The following CSMD1 variants were observed in gnomAD, a reference collection of about 807,000 sequenced individuals.
CSMD1 encodes the protein CUB and Sushi multiple domains 1.
A neutral mutation model predicts 417.5 loss-of-function variants in CSMD1; 213 were observed. The observed-to-expected ratio is 0.51, with a 90% CI of 0.46 to 0.57. CSMD1 has a LOEUF of 0.57. Ranked by LOEUF, CSMD1 falls within the 20% of genes least tolerant of loss-of-function variation. The probability of loss-of-function intolerance (pLI) is 0.00; values close to 1 mark genes in which losing one functional copy is unlikely to be tolerated. For missense variants in CSMD1, 6,923 were observed against 4,529.7 expected, an observed-to-expected ratio of 1.53 and a Z score of -15.17; for synonymous variants, 2,862 against 1,736.8, an observed-to-expected ratio of 1.65 and a Z score of -16.11.
chr8:3,772,371 A>T lies in CSMD1; in HGVS notation c.819-18329T>A, dbSNP rs867157862. Among the ~76,000 whole-genome samples the T allele has an allele frequency of 3.5e-4, 49 of 138,818 alleles. 12 individuals carry two copies. The highest frequency in any genetic ancestry group is 1.2e-3 in the African/African-American group (42 of 35,654). 91.1% of individuals were successfully genotyped at this position (138,818 alleles called of 152,430 possible). On this transcript the variant is annotated intron_variant, in intron 5 of 69. Coordinates refer to ENST00000635120, the MANE Select transcript of CSMD1 (RefSeq NM_033225.6). ...TACATATATTTATATATACATATAT[A>T]CATATATTCATATATTTATATATAC...
chr8:4,112,475 T>A (rs1464101899), intron 3 of CSMD1, among the ~76,000 whole-genome samples: 8 of 152,118 alleles, frequency 5.3e-5, no homozygotes, highest in Admixed American at 3.9e-4. Context: ...TCTTCCACCC[T>A]CCTGCCAATG....
chr8:2,969,864 T>C (rs1261627880), intron 57 of CSMD1, among the ~76,000 whole-genome samples: 2 of 152,190 alleles, frequency 1.3e-5, no homozygotes, highest in African/African-American at 2.4e-5. Context: ...TGTTGCCTTA[T>C]TGGGTGTAAC....
At chr8:3,914,920 T>C (rs75977884) in intron 5 of CSMD1, among the ~76,000 whole-genome samples, 6,421 of 152,218 alleles carry the variant, frequency 0.042, 187 homozygotes, top group Non-Finnish European at 0.064. Context: ...TAATTACTGA[T>C]TGAACTAAAC....
At chr8:4,408,509 T>G (rs1379639127) in intron 3 of CSMD1, among the ~76,000 whole-genome samples, 2 of 152,234 alleles carry the variant, frequency 1.3e-5, no homozygotes, top group East Asian at 1.9e-4. Flanking sequence ...TATCTCAAGC[T>G]TCTAAACAAT....
chr8:4,879,021 T>A (rs747909977), intron 1 of CSMD1, among the ~76,000 whole-genome samples: 1 of 151,722 alleles, frequency 6.6e-6, no homozygotes, highest in Non-Finnish European at 1.5e-5. Flanking sequence ...GACAGGATAT[T>A]TGGGGTTTGA....
intron 5 of CSMD1, among the ~76,000 whole-genome samples, chr8:3,812,228 T>C (rs986573717): frequency 5.3e-5 from 8 of 152,138 alleles, no homozygotes; most frequent in South Asian, 2.1e-4. Context: ...ACTCAAAAGA[T>C]ACAGGAAAGG....
At chr8:3,636,902 T>A (rs1462224330) in intron 7 of CSMD1, among the ~76,000 whole-genome samples, 1 of 152,182 alleles carries the variant, frequency 6.6e-6, no homozygotes, top group Non-Finnish European at 1.5e-5. Context: ...GGTAACTAGG[T>A]CATGAGTTCT....
intron 49 of CSMD1, among the ~76,000 whole-genome samples, chr8:3,065,579 T>C (rs1041454856): frequency 1.3e-5 from 2 of 151,874 alleles, no homozygotes; most frequent in Admixed American, 6.6e-5. Flanking sequence ...GATAGATACA[T>C]AGATACACAG....
intron 7 of CSMD1, among the ~76,000 whole-genome samples, chr8:3,622,141 T>C (rs191374933): frequency 6.6e-6 from 1 of 152,318 alleles, no homozygotes; most frequent in African/African-American, 2.4e-5. Flanking sequence ...GGTCTACTAC[T>C]AGCTCTCTGA....
chr8:4,807,327 G>C (rs977675048), intron 1 of CSMD1, among the ~76,000 whole-genome samples: 1 of 152,164 alleles, frequency 6.6e-6, no homozygotes, highest in South Asian at 2.1e-4. Context: ...CAAGGGTAGG[G>C]TGACAGCACT....
Position 4,561,332 on chromosome 8 carries a change from C to T in CSMD1, c.302+76010G>A, listed in dbSNP as rs199785722. On this transcript the variant is annotated intron_variant, in intron 2 of 69. Coordinates refer to ENST00000635120, the MANE Select transcript of CSMD1 (RefSeq NM_033225.6). ...GAGGTTGCAGTGAATCGAGATCATG[C>T]CACTGCACTCCAGCCCGGTGACAGA... is the stretch of plus-strand genomic sequence containing the variant. Among the ~76,000 whole-genome samples the T allele has an allele frequency of 9.2e-5, 14 of 152,294 alleles. No homozygotes were observed. The East Asian group carries it at 2.7e-3, about 29-fold the overall frequency.
chr8:3,061,022 A>G (rs551526320), intron 49 of CSMD1, among the ~76,000 whole-genome samples: 8 of 152,338 alleles, frequency 5.3e-5, no homozygotes, highest in South Asian at 2.1e-4. Flanking sequence ...TGTAGGAACT[A>G]AAGATTTGTA....
At chr8:3,780,774 A>G (rs1248890258) in intron 5 of CSMD1, among the ~76,000 whole-genome samples, 1 of 152,158 alleles carries the variant, frequency 6.6e-6, no homozygotes, top group Non-Finnish European at 1.5e-5. Context: ...TTATACACAG[A>G]TTCATCTAAA....
At chr8:4,857,238 A>G (rs1409286470) in intron 1 of CSMD1, among the ~76,000 whole-genome samples, 4 of 148,626 alleles carry the variant, frequency 2.7e-5, no homozygotes, top group Admixed American at 6.7e-5. Flanking sequence ...GACACAACAT[A>G]CCAGAATCTC....
intron 49 of CSMD1, among the ~76,000 whole-genome samples, chr8:3,063,440 G>T (rs1284489983): frequency 2.0e-5 from 3 of 152,140 alleles, no homozygotes; most frequent in African/African-American, 4.8e-5. Flanking sequence ...GACCTATGGT[G>T]GTTCCTCAAA....
intron 6 of CSMD1, among the ~76,000 whole-genome samples, chr8:3,728,120 G>T (rs776437484): frequency 6.6e-6 from 1 of 152,166 alleles, no homozygotes; most frequent in African/African-American, 2.4e-5. Context: ...TAATTCCCAC[G>T]TGCGATGGGA....
At chr8:4,145,520 T>C (rs1046313895) in intron 3 of CSMD1, among the ~76,000 whole-genome samples, 1 of 151,042 alleles carries the variant, frequency 6.6e-6, no homozygotes, top group Non-Finnish European at 1.5e-5. Context: ...AACATTGTCA[T>C]CTTGAATCCC....
At chr8:4,222,390 CTGTAAA>C (rs1563297226) in intron 3 of CSMD1, among the ~76,000 whole-genome samples, 1 of 149,206 alleles carries the variant, frequency 6.7e-6, no homozygotes, top group East Asian at 2.0e-4. Flanking sequence ...CCATCTTATT[CTGTAAA>C]CAGAATAAGA....
intron 7 of CSMD1, among the ~76,000 whole-genome samples, chr8:3,646,732 C>T (rs554325252): frequency 1.2e-4 from 19 of 152,210 alleles, no homozygotes; most frequent in African/African-American, 4.3e-4. Flanking sequence ...GCTCCGGTGC[C>T]TCCTCTGAGG....
Sources: gnomAD v4.1 joint callset for allele counts (sites outside exome capture counted in the v4.1 genomes callset) on GRCh38, gnomAD v4.1.1 for gene constraint, MANE v1.5 for transcripts, NCBI Gene and HGNC (gene_info 2026-07-23, HGNC 2026-07-21) for gene names.